The following ESRRG variants were observed in gnomAD, a reference collection of about 807,000 sequenced individuals.
ESRRG encodes estrogen-related receptor gamma.
In ESRRG, 13 loss-of-function variants were observed where a neutral mutation model predicts 44.0. The ratio of observed to expected loss-of-function variants is 0.30; its 90% CI spans 0.19 to 0.47. ESRRG has a LOEUF of 0.47. Among genes scored for constraint, ESRRG ranks in the 20% least tolerant of loss-of-function variants. The pLI is 1.00. For synonymous variants in ESRRG, 215 were observed against 214.6 expected, an observed-to-expected ratio of 1.00 and a Z score of -0.02; for missense variants, 395 against 580.6, an observed-to-expected ratio of 0.68 and a Z score of 3.29.
At chr1:216,526,945 G>C (rs1412701678) in intron 5 of ESRRG, among the ~76,000 whole-genome samples, 1 of 152,098 alleles carries the variant, frequency 6.6e-6, no homozygotes, top group Non-Finnish European at 1.5e-5. Flanking sequence ...TATTCCTGAA[G>C]GTTTATTTCA....
At chr1:216,771,987 G>A (rs1171474883) in intron 2 of ESRRG, among the ~76,000 whole-genome samples, 9 of 151,916 alleles carry the variant, frequency 5.9e-5, no homozygotes, top group Admixed American at 5.9e-4. Context: ...TAGCCTCTGA[G>A]ACAATCTGTT....
At chr1:217,009,206 C>T (rs565795722) in intron 1 of ESRRG, among the ~76,000 whole-genome samples, 1 of 152,318 alleles carries the variant, frequency 6.6e-6, no homozygotes, top group South Asian at 2.1e-4. Flanking sequence ...ACCGCTCTCA[C>T]AGCACCCAGC....
At chr1:216,647,243 G>GC (rs2067811662) in intron 3 of ESRRG, among the ~76,000 whole-genome samples, 1 of 152,098 alleles carries the variant, frequency 6.6e-6, no homozygotes, top group Non-Finnish European at 1.5e-5. Flanking sequence ...TAATAGATGG[G>GC]CTTTCTCTGA....
At chr1:216,719,477 G>A (rs186795055) in intron 1 of ESRRG, among the ~76,000 whole-genome samples, 55 of 152,020 alleles carry the variant, frequency 3.6e-4, no homozygotes, top group African/African-American at 1.3e-3. Flanking sequence ...AAAATTTAGA[G>A]TTAAAGCTGA....
chr1:216,890,548 AC>A (rs781632456), intron 2 of ESRRG, among the ~76,000 whole-genome samples: 5 of 152,160 alleles, frequency 3.3e-5, no homozygotes, highest in South Asian at 2.1e-4. Flanking sequence ...AAATTATGTG[AC>A]CCTATCACTG....
chr1:216,975,289 CTT>C (rs1486628960), intron 1 of ESRRG, among the ~76,000 whole-genome samples: 1 of 152,188 alleles, frequency 6.6e-6, no homozygotes, highest in Non-Finnish European at 1.5e-5. Flanking sequence ...TGTCCTCTCT[CTT>C]ACCAACCATT....
At chr1:216,561,357 A>G (rs1206010284) in intron 5 of ESRRG, among the ~76,000 whole-genome samples, 1 of 152,158 alleles carries the variant, frequency 6.6e-6, no homozygotes, top group African/African-American at 2.4e-5. Flanking sequence ...ATTTTAGTGT[A>G]TTAAAAAATG....
At position 216,788,296 on chromosome 1, in the gene ESRRG, G is replaced by A. The variant is rs76063140; in HGVS notation, c.-13-110805C>T. Among the ~76,000 whole-genome samples, 863 of 152,222 alleles carry A rather than the reference G, an allele frequency of 5.7e-3. 10 individuals carry two copies. Among genetic ancestry groups the A allele is most frequent in the African/African-American group, 0.02 (816 of 41,552 alleles). The stretch of plus-strand genomic sequence containing the variant: ...AAAGAACAGGCCTACTCTCTTGTTA[G>A]GGGCTAATACAGTTGGTGATTTTAA... On this transcript the variant is annotated intron_variant, in intron 2 of 7. Transcript: ENST00000359162.
chr1:217,134,484 C>T (rs1023164115), intron 1 of ESRRG, among the ~76,000 whole-genome samples: 1 of 152,194 alleles, frequency 6.6e-6, no homozygotes, highest in Non-Finnish European at 1.5e-5. Context: ...CTTAATTCCT[C>T]CCTACCCCCG....
At chr1:216,721,551 T>C (rs1014641321) in intron 1 of ESRRG, among the ~76,000 whole-genome samples, 1 of 152,222 alleles carries the variant, frequency 6.6e-6, no homozygotes, top group South Asian at 2.1e-4. Context: ...CAAAAGGACA[T>C]GTGCCTTGAC....
intron 2 of ESRRG, among the ~76,000 whole-genome samples, chr1:216,778,066 A>G (rs1298163237): frequency 6.6e-6 from 1 of 152,116 alleles, no homozygotes; most frequent in Non-Finnish European, 1.5e-5. Context: ...TCGGATCAAT[A>G]GAAATTATAA....
chr1:216,594,971 G>A (rs780248249), intron 3 of ESRRG, among the ~76,000 whole-genome samples: 1 of 152,128 alleles, frequency 6.6e-6, no homozygotes, highest in Non-Finnish European at 1.5e-5. Context: ...ATCACAAGAG[G>A]CAACCACTTC....
chr1:217,080,646 TTTGTTTG>T (rs1218739210), intron 1 of ESRRG, among the ~76,000 whole-genome samples: 16 of 140,822 alleles, frequency 1.1e-4, no homozygotes, highest in Non-Finnish European at 2.2e-4. Flanking sequence ...TGTTTGTTTG[TTTGTTTG>T]TTTGTTTTGT....
At chr1:216,856,139 T>C (rs2149041867) in intron 2 of ESRRG, among the ~76,000 whole-genome samples, 1 of 151,858 alleles carries the variant, frequency 6.6e-6, no homozygotes, top group South Asian at 2.1e-4. Flanking sequence ...GAATTGTAAC[T>C]CACTTGCTTT....
chr1:216,828,301 G>T (rs1226332573), intron 2 of ESRRG, among the ~76,000 whole-genome samples: 1 of 152,096 alleles, frequency 6.6e-6, no homozygotes, highest in Non-Finnish European at 1.5e-5. Flanking sequence ...TTTTTGTTTG[G>T]TTGGTTTGGG....
intron 2 of ESRRG, among the ~76,000 whole-genome samples, chr1:216,655,934 G>T (rs1164157666): frequency 6.6e-6 from 1 of 152,066 alleles, no homozygotes; most frequent in Non-Finnish European, 1.5e-5. Flanking sequence ...AATAAAGAAA[G>T]CATTTTATCC....
At chr1:217,136,569 G>A (rs984249181) in intron 1 of ESRRG, among the ~76,000 whole-genome samples, 1 of 152,068 alleles carries the variant, frequency 6.6e-6, no homozygotes, top group Non-Finnish European at 1.5e-5. Context: ...CACCCCGCAC[G>A]CCCTCACCCC....
chr1:216,677,953 A>T (rs1340789975), intron 1 of ESRRG, among the ~76,000 whole-genome samples: 1 of 152,160 alleles, frequency 6.6e-6, no homozygotes, highest in Non-Finnish European at 1.5e-5. Context: ...TTCCTTCCTC[A>T]TTCTGATGCT....
intron 2 of ESRRG, among the ~76,000 whole-genome samples, chr1:216,854,775 C>T (rs150008320): frequency 1.3e-5 from 2 of 152,100 alleles, no homozygotes; most frequent in Admixed American, 6.5e-5. Flanking sequence ...GACAATTTAA[C>T]GTATCTTGTG....
Sources: allele counts gnomAD v4.1 joint callset (sites outside exome capture counted in the v4.1 genomes callset), GRCh38; gene constraint gnomAD v4.1.1; transcripts MANE v1.5; gene names NCBI Gene and HGNC (gene_info 2026-07-23, HGNC 2026-07-21).